BUB1B: variants seen among roughly 807,000 people sequenced by gnomAD.
BUB1B encodes mitotic checkpoint serine/threonine-protein kinase BUB1 beta.
A neutral mutation model predicts 137.7 loss-of-function variants in BUB1B; 86 were observed. The ratio of observed to expected loss-of-function variants is 0.62; its 90% confidence interval spans 0.52 to 0.75. The LOEUF (loss-of-function observed/expected upper bound fraction) is 0.75. Ranked by LOEUF, BUB1B falls within the 30% of genes least tolerant of loss-of-function variation. The pLI is 0.00. For synonymous variants in BUB1B, 420 were observed against 417.9 expected (o/e 1.00, Z -0.06); for missense variants, 1,130 against 1,236.9 (o/e 0.91, Z 1.30).
intron 21 of BUB1B, 75 bp downstream of exon 21, chr15:40,217,742 G>C: frequency 6.4e-7 from 1 of 1,562,338 alleles, no homozygotes; most frequent in Non-Finnish European, 8.8e-7. Flanking sequence ...AGCTATAAAA[G>C]CTACTGTTTA....
chr15:40,205,487 T>C (rs374719843), intron 14 of BUB1B, among the ~76,000 whole-genome samples: 3 of 152,308 alleles, frequency 2.0e-5, no homozygotes, highest in African/African-American at 7.2e-5. Flanking sequence ...TTTATAACCT[T>C]TTGACCTTAC....
chr15:40,175,292 A>G (rs1273940636), intron 4 of BUB1B, among the ~76,000 whole-genome samples: 4 of 152,184 alleles, frequency 2.6e-5, no homozygotes, highest in Non-Finnish European at 5.9e-5. Flanking sequence ...TAGATGAAAC[A>G]TGATGCATTC....
At chr15:40,167,331 C>G (rs988521572) in intron 2 of BUB1B, among the ~76,000 whole-genome samples, 1 of 134,412 alleles carries the variant, frequency 7.4e-6, no homozygotes, top group Non-Finnish European at 1.6e-5. Context: ...CTTTTACTAG[C>G]TTCATTTTAG....
intron 15 of BUB1B, among the ~76,000 whole-genome samples, chr15:40,207,142 A>G (rs1432081534): frequency 6.6e-6 from 1 of 152,170 alleles, no homozygotes; most frequent in Non-Finnish European, 1.5e-5. Flanking sequence ...GCAACTAGAG[A>G]TGTGTTTTTT....
intron 22 of BUB1B, 33 bp from the exon 23 acceptor site, chr15:40,220,531 A>G: frequency 6.2e-7 from 1 of 1,607,468 alleles, no homozygotes; most frequent in African/African-American, 1.3e-5. Context: ...TCATATGCCT[A>G]ATCTTGATGG....
intron 2 of BUB1B, among the ~76,000 whole-genome samples, chr15:40,168,987 T>C (rs1033368580): frequency 6.6e-6 from 1 of 152,254 alleles, no homozygotes; most frequent in South Asian, 2.1e-4. Flanking sequence ...GTATTACTAG[T>C]TCATTTTTCA....
intron 4 of BUB1B, among the ~76,000 whole-genome samples, chr15:40,171,514 G>A (rs1402240728): frequency 2.6e-5 from 4 of 152,048 alleles, no homozygotes; most frequent in Non-Finnish European, 5.9e-5. Flanking sequence ...ACCACTGTCC[G>A]CCAGCCCAAG....
rs2037226711 is a variant in BUB1B, at chr15:40,176,603, G to C, written c.511G>C (p.Ala171Pro). ...TGAAGCTAGAGAAAACTTTAGGAAA[G>C]CAGATGCGATATTTCAGGAAGGGAT... is the stretch of plus-strand genomic sequence containing the variant. ...EYEARENFRKADAIFQEGIQQ... is the reference protein window; with the variant it reads ...EYEARENFRKPDAIFQEGIQQ... The change falls in exon 5 of 23, where the codon GCA becomes CCA. Residue 171 changes from alanine to proline, a missense_variant. Transcript: ENST00000287598. 1.2e-6 allele frequency: 2 copies of C among 1,614,110 alleles called. No individual in the cohort carries two copies. The highest frequency in any genetic ancestry group is 1.7e-6 in the Non-Finnish European group (2 of 1,179,994).
Position 40,218,529 on chromosome 15 carries a change from G to A in BUB1B, c.2924G>A (p.Gly975Glu), listed in dbSNP as rs930982752. 6.2e-7 allele frequency: 1 copy of A among 1,613,852 alleles called. No homozygotes were observed. The highest frequency in any genetic ancestry group is 1.7e-5 in the Admixed American group (1 of 60,000). The change falls in exon 22 of 23, where the codon GGG becomes GAG. Residue 975 changes from glycine to glutamate, a missense_variant. Transcript: ENST00000287598. ...GAACACCTACAGGTCTTCTGGGATG[G>A]GTCCTTCTGGAAACTTAGCCAAAAT... ...FKEHLQVFWD[G>E]SFWKLSQNIS...
At chr15:40,181,899 T>C (rs992921675) in intron 5 of BUB1B, among the ~76,000 whole-genome samples, 9 of 152,220 alleles carry the variant, frequency 5.9e-5, no homozygotes, top group African/African-American at 1.4e-4. Flanking sequence ...AACATAGTTA[T>C]ATTAGGTACT....
At chr15:40,197,724 G>A (rs1387292896) in intron 9 of BUB1B, among the ~76,000 whole-genome samples, 1 of 152,204 alleles carries the variant, frequency 6.6e-6, no homozygotes, top group Non-Finnish European at 1.5e-5. Flanking sequence ...TGGTAAAGCA[G>A]ACTGTTAGTA....
Position 40,164,964 on chromosome 15 carries a change from A to G in BUB1B, c.36-89A>G, listed in dbSNP as rs567857887. On this transcript the variant is annotated intron_variant, in intron 1 of 22. Coordinates refer to ENST00000287598, the MANE Select transcript of BUB1B (RefSeq NM_001211.6). ...CACTATATTCAACCCAAGACCATGA[A>G]TAATCACCTTTCGGAAGACATTTAC... 50 of 1,533,930 alleles carry G rather than the reference A, an allele frequency of 3.3e-5. 1 individual carries two copies. In the South Asian group the frequency reaches 5.5e-4, roughly 17 times the overall value.
Position 40,217,627 on chromosome 15 carries a change from A to G in BUB1B, c.2810A>G (p.Glu937Gly), listed in dbSNP as rs755941900. 1.9e-6 allele frequency: 3 copies of G among 1,614,172 alleles called. No homozygotes were observed. The East Asian group carries it at 6.7e-5, about 36-fold the overall frequency. ...GGCTTTCGGACTGTACAGATCCTGGAAGGACAAAAGATCCTGGCTAACTGT... is the reference window on the plus strand; with the variant it reads ...GGCTTTCGGACTGTACAGATCCTGGGAGGACAAAAGATCCTGGCTAACTGT... ...LSGFRTVQIL[E>G]GQKILANCSS... The change falls in exon 21 of 23, where the codon GAA becomes GGA. Residue 937 changes from glutamate (E) to glycine (G), a missense_variant. Physicochemically the swap from Glu to Gly is moderately conservative, Grantham distance 98. Transcript: ENST00000287598.
At chr15:40,172,408 G>A (rs564045310) in intron 4 of BUB1B, among the ~76,000 whole-genome samples, 12 of 152,078 alleles carry the variant, frequency 7.9e-5, no homozygotes, top group Non-Finnish European at 1.3e-4. Flanking sequence ...TTGACCAGAC[G>A]CCTTACCAAT....
intron 15 of BUB1B, 33 bp downstream of exon 15, chr15:40,206,491 A>T: frequency 6.2e-7 from 1 of 1,613,272 alleles, no homozygotes; most frequent in Non-Finnish European, 8.5e-7. Context: ...TACAAACCAG[A>T]TTGTTTACTC....
intron 15 of BUB1B, among the ~76,000 whole-genome samples, chr15:40,206,999 G>A (rs970218051): frequency 1.3e-5 from 2 of 151,988 alleles, no homozygotes; most frequent in East Asian, 1.9e-4. Flanking sequence ...TAGTAGAGAC[G>A]GGGTTTCGCC....
At chr15:40,196,453 G>A in intron 8 of BUB1B, 92 bp from the exon 9 acceptor site, 1 of 1,165,200 alleles carries the variant, frequency 8.6e-7, no homozygotes, top group South Asian at 1.3e-5. Context: ...AATTATTGAT[G>A]GCCCTTGTAA....
chr15:40,187,698 C>T (rs1203261688), intron 8 of BUB1B, among the ~76,000 whole-genome samples: 1 of 151,998 alleles, frequency 6.6e-6, no homozygotes, highest in African/African-American at 2.4e-5. Context: ...CGCTTGAGCC[C>T]AGGAGTTCAA....
chr15:40,178,305 C>T (rs1254228490), intron 5 of BUB1B, among the ~76,000 whole-genome samples: 3 of 151,974 alleles, frequency 2.0e-5, no homozygotes, highest in Non-Finnish European at 2.9e-5. Flanking sequence ...TAGCTTACCC[C>T]GTGTCTTCCT....
Sources: gnomAD v4.1 joint callset for allele counts (sites outside exome capture counted in the v4.1 genomes callset) on GRCh38, gnomAD v4.1.1 for gene constraint, MANE v1.5 for transcripts, NCBI Gene and HGNC (gene_info 2026-07-23, HGNC 2026-07-21) for gene names.